The following THSD7B variants were observed in gnomAD, a reference collection of about 807,000 sequenced individuals.
The protein encoded by THSD7B is thrombospondin type-1 domain-containing protein 7B.
In THSD7B, 138 loss-of-function variants were observed where a neutral mutation model predicts 213.6. The observed-to-expected ratio is 0.65, with a 90% CI of 0.56 to 0.74. THSD7B has a LOEUF of 0.74. Ranked by LOEUF, THSD7B falls within the 30% of genes least tolerant of loss-of-function variation. THSD7B has a pLI of 0.00. For synonymous variants in THSD7B, 742 were observed against 687.0 expected, an observed-to-expected ratio of 1.08 and a Z score of -1.25; for missense variants, 1,931 against 1,991.5, an observed-to-expected ratio of 0.97 and a Z score of 0.58.
At chr2:137,404,462 T>G (rs867385730) in intron 12 of THSD7B, among the ~76,000 whole-genome samples, 13 of 81,916 alleles carry the variant, frequency 1.6e-4, no homozygotes, top group African/African-American at 5.7e-4. Context: ...TATATATATA[T>G]ATATATATAT....
At chr2:137,200,641 A>C (rs1235615855) in intron 7 of THSD7B, among the ~76,000 whole-genome samples, 1 of 152,008 alleles carries the variant, frequency 6.6e-6, no homozygotes, top group Non-Finnish European at 1.5e-5. Context: ...CATATGGTCC[A>C]TACTGTAACC....
chr2:137,172,258 T>G (rs954305032), intron 7 of THSD7B, among the ~76,000 whole-genome samples: 3 of 152,188 alleles, frequency 2.0e-5, no homozygotes, highest in Non-Finnish European at 4.4e-5. Flanking sequence ...CCTTGGAATT[T>G]CCTGAGTGCA....
chr2:136,932,178 A>T (rs1275198637), intron 2 of THSD7B, among the ~76,000 whole-genome samples: 1 of 152,114 alleles, frequency 6.6e-6, no homozygotes, highest in Non-Finnish European at 1.5e-5. Context: ...CCTAAACTCA[A>T]CAGTCAATTT....
At chr2:137,186,353 T>C (rs921935192) in intron 7 of THSD7B, among the ~76,000 whole-genome samples, 2 of 152,166 alleles carry the variant, frequency 1.3e-5, no homozygotes, top group Admixed American at 6.6e-5. Context: ...CTAAGAATTT[T>C]GTAGTTTGAG....
chr2:137,124,210 G>C (rs1474128013), intron 5 of THSD7B, among the ~76,000 whole-genome samples: 1 of 152,130 alleles, frequency 6.6e-6, no homozygotes, highest in African/African-American at 2.4e-5. Flanking sequence ...AGCTGAACTG[G>C]ATTTTTCTCA....
chr2:136,943,220 G>A (rs547436534), intron 2 of THSD7B, among the ~76,000 whole-genome samples: 65 of 152,284 alleles, frequency 4.3e-4, no homozygotes, highest in African/African-American at 1.5e-3. Context: ...TTGCATCCCA[G>A]GGATGAAGCC....
intron 17 of THSD7B, among the ~76,000 whole-genome samples, chr2:137,573,063 TAA>T (rs201536777): frequency 3.2e-4 from 46 of 142,410 alleles, no homozygotes; most frequent in Middle Eastern, 3.8e-3. Context: ...AAAAATACCT[TAA>T]AAAAAAAAAA....
At chr2:137,258,730 G>A (rs1351424255) in intron 10 of THSD7B, among the ~76,000 whole-genome samples, 1 of 144,926 alleles carries the variant, frequency 6.9e-6, no homozygotes, top group Non-Finnish European at 1.5e-5. Flanking sequence ...GGTTTGTTAT[G>A]TAGGTATACA....
chr2:137,433,157 G>A (rs1348344077), intron 14 of THSD7B, among the ~76,000 whole-genome samples: 1 of 152,046 alleles, frequency 6.6e-6, no homozygotes, highest in East Asian at 1.9e-4. Context: ...AAAGGAGCAG[G>A]GCGCTGTAAG....
chr2:137,093,208 C>G (rs1237784708), intron 3 of THSD7B, among the ~76,000 whole-genome samples: 1 of 152,148 alleles, frequency 6.6e-6, no homozygotes, highest in Non-Finnish European at 1.5e-5. Context: ...ATTTCTTAAC[C>G]TGTGACAGGA....
intron 7 of THSD7B, among the ~76,000 whole-genome samples, chr2:137,197,971 G>A (rs1421644220): frequency 1.3e-5 from 2 of 152,156 alleles, no homozygotes; most frequent in Non-Finnish European, 2.9e-5. Context: ...CATGTGCACA[G>A]TATGTGTTGT....
intron 1 of THSD7B, among the ~76,000 whole-genome samples, chr2:136,871,044 A>G (rs976600112): frequency 6.6e-6 from 1 of 152,040 alleles, no homozygotes; most frequent in South Asian, 2.1e-4. Flanking sequence ...CTAGATTTGC[A>G]GATGGATTGA....
At chr2:137,219,914 C>T (rs1681329666) in intron 7 of THSD7B, among the ~76,000 whole-genome samples, 1 of 152,150 alleles carries the variant, frequency 6.6e-6, no homozygotes, top group African/African-American at 2.4e-5. Context: ...TAGTGCTAGA[C>T]TCTCAGTTGT....
chr2:137,391,636 G>C (rs1396639971), intron 12 of THSD7B, among the ~76,000 whole-genome samples: 1 of 151,044 alleles, frequency 6.6e-6, no homozygotes, highest in Admixed American at 6.6e-5. Flanking sequence ...GTGGTGAGTT[G>C]AGATCATGCC....
At chr2:136,836,218 G>A (rs556800010) in intron 1 of THSD7B, among the ~76,000 whole-genome samples, 5 of 152,240 alleles carry the variant, frequency 3.3e-5, no homozygotes, top group East Asian at 1.9e-4. Flanking sequence ...CAATGCAAAC[G>A]TCTTATGGAT....
intron 12 of THSD7B, among the ~76,000 whole-genome samples, chr2:137,402,317 T>C (rs1288691304): frequency 6.6e-6 from 1 of 152,194 alleles, no homozygotes; most frequent in African/African-American, 2.4e-5. Flanking sequence ...TCTATAGCTA[T>C]TCTTTCTTAA....
At chr2:137,654,403 T>A (rs1051783735) in intron 21 of THSD7B, among the ~76,000 whole-genome samples, 3 of 152,188 alleles carry the variant, frequency 2.0e-5, no homozygotes, top group African/African-American at 7.2e-5. Flanking sequence ...CCCTCCCCTC[T>A]TTGTCTCTGG....
chr2:137,316,834 A>G (rs989755508), intron 12 of THSD7B, among the ~76,000 whole-genome samples: 1 of 151,804 alleles, frequency 6.6e-6, no homozygotes, highest in South Asian at 2.1e-4. Flanking sequence ...TGGGGAGAGG[A>G]TGGGGAGGAG....
chr2:137,195,198 C>T (rs1396304241), intron 7 of THSD7B, among the ~76,000 whole-genome samples: 2 of 151,654 alleles, frequency 1.3e-5, no homozygotes, highest in Non-Finnish European at 2.9e-5. Context: ...AAAAGCAAAA[C>T]CCTGCATATA....
Sources: allele counts gnomAD v4.1 joint callset (sites outside exome capture counted in the v4.1 genomes callset), GRCh38; gene constraint gnomAD v4.1.1; transcripts MANE v1.5; gene names NCBI Gene and HGNC (gene_info 2026-07-23, HGNC 2026-07-21).